NEK7: variants seen among roughly 807,000 people sequenced by gnomAD.
The protein encoded by NEK7 is serine/threonine-protein kinase Nek7.
Under a neutral mutation model 44.6 loss-of-function variants are expected in NEK7, and 18 were observed. The ratio of observed to expected loss-of-function variants is 0.40; its 90% CI spans 0.28 to 0.60. The LOEUF (loss-of-function observed/expected upper bound fraction) is 0.60, where lower values mean the gene tolerates loss of function less well. NEK7 is among the 20% of genes least tolerant of loss of function. NEK7 has a pLI of 0.38. For synonymous variants in NEK7, 130 were observed against 121.1 expected, an observed-to-expected ratio of 1.07 and a Z score of -0.48; for missense variants, 256 against 366.5, an observed-to-expected ratio of 0.70 and a Z score of 2.46.
chr1:198,316,971 T>A (rs1275012744), intron 9 of NEK7, among the ~76,000 whole-genome samples: 1 of 152,216 alleles, frequency 6.6e-6, no homozygotes, highest in Non-Finnish European at 1.5e-5. Context: ...GCAGAGTAGA[T>A]CATCTAGAAA....
intron 9 of NEK7, among the ~76,000 whole-genome samples, chr1:198,314,395 G>A (rs569655146): frequency 9.1e-4 from 138 of 152,216 alleles, no homozygotes; most frequent in Non-Finnish European, 1.6e-3. Flanking sequence ...CCCGTAGCTC[G>A]GAGTAATTTG....
chr1:198,255,749 T>C (rs998415012), intron 3 of NEK7, among the ~76,000 whole-genome samples: 3 of 152,164 alleles, frequency 2.0e-5, no homozygotes, highest in Non-Finnish European at 4.4e-5. Context: ...TATTGTGACA[T>C]CTAGTTTAAA....
At position 198,166,432 on chromosome 1, in the gene NEK7, C is replaced by T. The variant is rs530184144; in HGVS notation, c.-29+9156C>T. On this transcript the variant is annotated intron_variant, in intron 1 of 9. Transcript: ENST00000367385. ...GGCCTAGCTTCTGAGCTACTAGCTT[C>T]TGACCTGTCTTGACCTTTGACATGC... Among the ~76,000 whole-genome samples, 6 of 152,372 alleles carry T rather than the reference C, an allele frequency of 3.9e-5. No homozygotes were observed. The South Asian group carries it at 1.2e-3, about 32-fold the overall frequency.
intron 1 of NEK7, among the ~76,000 whole-genome samples, chr1:198,226,547 A>T (rs1666231914): frequency 6.6e-6 from 1 of 151,786 alleles, no homozygotes; most frequent in Non-Finnish European, 1.5e-5. Flanking sequence ...TGCGTCTCAA[A>T]AAAAAAAAAA....
At chr1:198,314,334 C>A (rs1246293095) in intron 9 of NEK7, among the ~76,000 whole-genome samples, 4 of 152,118 alleles carry the variant, frequency 2.6e-5, no homozygotes, top group South Asian at 2.1e-4. Flanking sequence ...ATACATTCTT[C>A]TAAATTTTTT....
intron 2 of NEK7, among the ~76,000 whole-genome samples, chr1:198,251,705 TG>T (rs1485486976): frequency 6.6e-6 from 1 of 151,974 alleles, no homozygotes; most frequent in Non-Finnish European, 1.5e-5. Flanking sequence ...TGTATTTCTG[TG>T]GGATCGGTGG....
At chr1:198,313,050 C>T (rs1440069460) in intron 9 of NEK7, among the ~76,000 whole-genome samples, 1 of 151,610 alleles carries the variant, frequency 6.6e-6, no homozygotes, top group Non-Finnish European at 1.5e-5. Context: ...GTTAAAGTCT[C>T]CCATTATTAA....
chr1:198,295,826 A>G (rs1479095947), intron 8 of NEK7, among the ~76,000 whole-genome samples: 1 of 150,250 alleles, frequency 6.7e-6, no homozygotes, highest in Non-Finnish European at 1.5e-5. Context: ...TATTATTATT[A>G]TTATTATTAT....
chr1:198,180,537 G>A (rs560411583), intron 1 of NEK7, among the ~76,000 whole-genome samples: 8 of 152,076 alleles, frequency 5.3e-5, no homozygotes, highest in Non-Finnish European at 1.2e-4. Context: ...GATAGAGACA[G>A]GGCTAGAATT....
intron 1 of NEK7, among the ~76,000 whole-genome samples, chr1:198,211,105 A>C (rs1665757438): frequency 6.6e-6 from 1 of 152,192 alleles, no homozygotes; most frequent in Non-Finnish European, 1.5e-5. Flanking sequence ...GTTGTTAATA[A>C]AGTTAAGACA....
intron 1 of NEK7, among the ~76,000 whole-genome samples, chr1:198,231,844 T>G (rs6657318): frequency 0.097 from 14,725 of 152,090 alleles, 1,021 homozygotes; most frequent in South Asian, 0.26. Context: ...GGAAGCTAGT[T>G]TTTTGAGTCT....
At chr1:198,274,365 A>T (rs542052769) in intron 5 of NEK7, among the ~76,000 whole-genome samples, 1 of 151,764 alleles carries the variant, frequency 6.6e-6, no homozygotes, top group South Asian at 2.1e-4. Context: ...TTAAAAATTA[A>T]AAATTTTTAA....
chr1:198,293,356 A>G (rs747023714), intron 8 of NEK7, among the ~76,000 whole-genome samples: 1 of 151,950 alleles, frequency 6.6e-6, no homozygotes, highest in African/African-American at 2.4e-5. Context: ...ATCTTGATCC[A>G]TGCATTACAG....
intron 2 of NEK7, among the ~76,000 whole-genome samples, chr1:198,251,663 A>G (rs1652999966): frequency 6.6e-6 from 1 of 151,898 alleles, no homozygotes; most frequent in Non-Finnish European, 1.5e-5. Flanking sequence ...TTATTTGCGT[A>G]GAGGTGTTTG....
In NEK7 at chr1:198,321,442, A is replaced by G. The variant is rs1484647880; in HGVS notation, c.*1920A>G. The G allele has an allele frequency of 6.6e-6, 1 of 152,160 alleles. No homozygotes were observed. Among genetic ancestry groups the G allele is most frequent in the African/African-American group, 2.4e-5 (1 of 41,456 alleles). The allele number at this position is 152,160 out of a possible 1,614,324, so 9.4% of individuals were successfully genotyped here. Reference sequence around the variant, plus strand: ...GTCATGTTCATTTTAATGTAATATAATTGAGATGAAATGTTCTCTGGTTGG... The same window carrying G: ...GTCATGTTCATTTTAATGTAATATAGTTGAGATGAAATGTTCTCTGGTTGG... On this transcript the variant is annotated 3_prime_UTR_variant, in exon 10 of 10. Transcript: ENST00000367385.
chr1:198,234,647 A>G (rs1666495648), intron 2 of NEK7, among the ~76,000 whole-genome samples: 1 of 152,204 alleles, frequency 6.6e-6, no homozygotes, highest in South Asian at 2.1e-4. Flanking sequence ...TTTTCCTGTG[A>G]GACACTGGGC....
At chr1:198,172,481 G>T (rs143253307) in intron 1 of NEK7, among the ~76,000 whole-genome samples, 8 of 152,130 alleles carry the variant, frequency 5.3e-5, no homozygotes, top group Non-Finnish European at 1.0e-4. Flanking sequence ...TAAGCAGTAG[G>T]AGCATGATCA....
chr1:198,181,657 A>T (rs1048632584), intron 1 of NEK7, among the ~76,000 whole-genome samples: 1 of 152,134 alleles, frequency 6.6e-6, no homozygotes, highest in East Asian at 1.9e-4. Flanking sequence ...CTCAATAACA[A>T]TGATAAGATT....
At chr1:198,251,733 A>G (rs1421058863) in intron 2 of NEK7, among the ~76,000 whole-genome samples, 1 of 151,646 alleles carries the variant, frequency 6.6e-6, no homozygotes, top group Non-Finnish European at 1.5e-5. Flanking sequence ...CCCCTTTATC[A>G]TTTTTTATTG....
Sources: allele counts gnomAD v4.1 joint callset (sites outside exome capture counted in the v4.1 genomes callset), GRCh38; gene constraint gnomAD v4.1.1; transcripts MANE v1.5; gene names NCBI Gene and HGNC (gene_info 2026-07-23, HGNC 2026-07-21).